Variants in SLC44A5 observed in about 807,000 individuals in gnomAD.
SLC44A5 encodes the protein solute carrier family 44 member 5, also known as choline transporter-like protein 5.
A neutral mutation model predicts 101.8 loss-of-function variants in SLC44A5; 57 were observed. That is an observed-to-expected ratio of 0.56 (90% CI 0.45 to 0.70). The LOEUF (loss-of-function observed/expected upper bound fraction) is 0.70, where lower values mean the gene tolerates loss of function less well. Ranked by LOEUF, SLC44A5 falls within the 30% of genes least tolerant of loss-of-function variation. SLC44A5 has a pLI of 0.00. For synonymous variants in SLC44A5, 281 were observed against 290.9 expected (o/e 0.97, Z 0.35); for missense variants, 737 against 853.1 (o/e 0.86, Z 1.70).
intron 23 of SLC44A5, among the ~76,000 whole-genome samples, chr1:75,208,840 T>C (rs1428948206): frequency 2.0e-5 from 3 of 152,184 alleles, no homozygotes; most frequent in South Asian, 4.1e-4. Context: ...TGAATCTCAG[T>C]ACCTTGTAAT....
chr1:75,304,766 G>T (rs1386734129), intron 4 of SLC44A5, among the ~76,000 whole-genome samples: 1 of 152,072 alleles, frequency 6.6e-6, no homozygotes, highest in Non-Finnish European at 1.5e-5. Context: ...TCCTTAGGTG[G>T]ATTCATTTTT....
chr1:75,599,797 C>A (rs756909634), intron 1 of SLC44A5, among the ~76,000 whole-genome samples: 1 of 151,974 alleles, frequency 6.6e-6, no homozygotes, highest in Non-Finnish European at 1.5e-5. Context: ...TTAGTGTGGT[C>A]GGATCATTAA....
intron 6 of SLC44A5, among the ~76,000 whole-genome samples, chr1:75,269,936 G>A (rs1651328791): frequency 1.3e-5 from 2 of 152,260 alleles, no homozygotes; most frequent in Admixed American, 6.6e-5. Flanking sequence ...TTTCTCCCAT[G>A]CAGTTCTGTT....
intron 1 of SLC44A5, among the ~76,000 whole-genome samples, chr1:75,542,904 A>G (rs1671432888): frequency 6.6e-6 from 1 of 152,116 alleles, no homozygotes; most frequent in Non-Finnish European, 1.5e-5. Flanking sequence ...ACTTCCTTCC[A>G]TTCTTCAACT....
In SLC44A5 at chr1:75,213,798, A is replaced by T. The variant is rs1298255152; in HGVS notation, c.1874-5T>A. 3 of 1,603,234 alleles carry T rather than the reference A, an allele frequency of 1.9e-6. No homozygotes were observed. Among genetic ancestry groups the T allele is most frequent in the African/African-American group, 2.7e-5 (2 of 74,652 alleles). ...AGAATAGGAAGGCCAGAACACCTACATTGAAAAGGTAGAACATGTATATTA... is the reference window on the plus strand; with the variant it reads ...AGAATAGGAAGGCCAGAACACCTACTTTGAAAAGGTAGAACATGTATATTA... On this transcript the variant is annotated splice_region_variant and splice_polypyrimidine_tract_variant and intron_variant, in intron 21 of 23. Coordinates refer to ENST00000370859, the MANE Select transcript of SLC44A5 (RefSeq NM_001130058.2).
chr1:75,497,101 G>A (rs894530495), intron 2 of SLC44A5, among the ~76,000 whole-genome samples: 2 of 152,072 alleles, frequency 1.3e-5, no homozygotes, highest in African/African-American at 4.8e-5. Flanking sequence ...AGGAAGTACT[G>A]CTATATATAC....
In SLC44A5 at chr1:75,407,816, C is replaced by G. The variant is rs187555837; in HGVS notation, c.14-11195G>C. Among the ~76,000 whole-genome samples the G allele has an allele frequency of 2.6e-5, 4 of 152,286 alleles. No individual in the cohort carries two copies. The East Asian group carries it at 7.7e-4, about 29-fold the overall frequency. Reference sequence around the variant, plus strand: ...ATAGGCATGGGCAAAGGCTTCATGACTAAAACACCAAAAGCAATGCCAACA... The same window carrying G: ...ATAGGCATGGGCAAAGGCTTCATGAGTAAAACACCAAAAGCAATGCCAACA... On this transcript the variant is annotated intron_variant, in intron 2 of 23. Transcript: ENST00000370859.
chr1:75,375,551 C>T (rs556754415), intron 3 of SLC44A5, among the ~76,000 whole-genome samples: 49 of 152,154 alleles, frequency 3.2e-4, no homozygotes, highest in Middle Eastern at 3.4e-3. Context: ...TTTTCAAAGT[C>T]AACAAGAAAA....
At chr1:75,238,412 A>ATATATATATATATATATATATATATG (rs1443013609) in intron 10 of SLC44A5, 101 bp downstream of exon 10, 3 of 334,092 alleles carry the variant, frequency 9.0e-6, no homozygotes, top group African/African-American at 6.9e-5. Context: ...ATATATATAT[A>ATATATATATATATATATATATATATG]TGTGATTATT....
At chr1:75,597,363 G>A (rs1470799548) in intron 1 of SLC44A5, among the ~76,000 whole-genome samples, 3 of 152,054 alleles carry the variant, frequency 2.0e-5, no homozygotes, top group Non-Finnish European at 4.4e-5. Flanking sequence ...TTGTTAAAAT[G>A]GCCATGCTGC....
At chr1:75,266,717 A>G (rs1204794345) in intron 6 of SLC44A5, among the ~76,000 whole-genome samples, 1 of 152,212 alleles carries the variant, frequency 6.6e-6, no homozygotes, top group African/African-American at 2.4e-5. Flanking sequence ...TTCATTTAAC[A>G]ATGAATTTAC....
chr1:75,203,745 T>A lies in SLC44A5; in HGVS notation c.2136A>T (p.Pro712=). 1 of 1,549,134 alleles carries A rather than the reference T, an allele frequency of 6.5e-7. No homozygotes were observed. Among genetic ancestry groups the A allele is most frequent in the Non-Finnish European group, 8.7e-7 (1 of 1,145,846 alleles). Residue 712 remains proline, a synonymous_variant, in exon 24 of 24, where the codon CCA becomes CCT. Transcript: ENST00000370859. The part of the protein sequence containing the change: ...PLLKIFQEEN[P]QTRKQ ...TGCTCTTCTACTGCTTCCTAGTTTG[T>A]GGATTTTCCTCCTGGAAAATCTTCA...
chr1:75,499,235 G>A (rs940446821), intron 2 of SLC44A5, among the ~76,000 whole-genome samples: 2 of 152,208 alleles, frequency 1.3e-5, no homozygotes, highest in Non-Finnish European at 2.9e-5. Flanking sequence ...CCATGGATGG[G>A]GGCCGGAAGG....
intron 1 of SLC44A5, among the ~76,000 whole-genome samples, chr1:75,574,450 A>G (rs910569868): frequency 3.3e-5 from 5 of 152,228 alleles, no homozygotes; most frequent in African/African-American, 1.2e-4. Flanking sequence ...AAACAGATAC[A>G]TCTTGATAAA....
intron 19 of SLC44A5, 47 bp downstream of exon 19, chr1:75,215,707 G>T: frequency 8.9e-7 from 1 of 1,120,432 alleles, no homozygotes; most frequent in Non-Finnish European, 1.4e-6. Context: ...CACAAGGTTT[G>T]GGATTGCAAA....
intron 2 of SLC44A5, among the ~76,000 whole-genome samples, chr1:75,504,464 TA>T (rs146278291): frequency 2.6e-5 from 4 of 152,152 alleles, no homozygotes; most frequent in African/African-American, 4.8e-5. Context: ...TGTATGTCAA[TA>T]AAAAACATTA....
At chr1:75,454,358 G>A (rs1046998969) in intron 2 of SLC44A5, among the ~76,000 whole-genome samples, 7 of 151,994 alleles carry the variant, frequency 4.6e-5, no homozygotes, top group African/African-American at 1.7e-4. Context: ...CTCACTTTAT[G>A]ATTAAAACCC....
intron 14 of SLC44A5, among the ~76,000 whole-genome samples, chr1:75,221,494 G>A (rs1203331656): frequency 6.6e-6 from 1 of 152,142 alleles, no homozygotes; most frequent in African/African-American, 2.4e-5. Flanking sequence ...ATGACTCTTG[G>A]TATAAAGTGT....
At chr1:75,297,023 A>G (rs531821125) in intron 5 of SLC44A5, among the ~76,000 whole-genome samples, 18 of 152,310 alleles carry the variant, frequency 1.2e-4, no homozygotes, top group Admixed American at 1.2e-3. Flanking sequence ...CCTGTTGGCC[A>G]GGACTCCTCC....
Sources: allele counts gnomAD v4.1 joint callset (sites outside exome capture counted in the v4.1 genomes callset), GRCh38; gene constraint gnomAD v4.1.1; transcripts MANE v1.5; gene names NCBI Gene and HGNC (gene_info 2026-07-23, HGNC 2026-07-21).